CRADD: variants seen among roughly 807,000 people sequenced by gnomAD.
The protein encoded by CRADD is CARD and death domain containing adaptor protein.
CRADD carries 9 observed loss-of-function variants against 15.5 expected under a neutral mutation model. The ratio of observed to expected loss-of-function variants is 0.58; its 90% CI spans 0.35 to 1.01. The LOEUF is 1.01. Among genes scored for constraint, CRADD ranks in the 50% least tolerant of loss-of-function variants. The pLI, the probability that CRADD is intolerant of heterozygous loss-of-function variation, is 0.02. For synonymous variants in CRADD, 118 were observed against 107.6 expected (o/e 1.10, Z -0.60); for missense variants, 227 against 250.3 (o/e 0.91, Z 0.63).
At chr12:93,774,812 T>C (rs1202448306) in intron 2 of CRADD, among the ~76,000 whole-genome samples, 14 of 152,178 alleles carry the variant, frequency 9.2e-5, no homozygotes, top group Non-Finnish European at 1.9e-4. Context: ...ATGAGCAAGA[T>C]GTTCACAGCC....
At chr12:93,822,274 C>T (rs1033859346) in intron 2 of CRADD, among the ~76,000 whole-genome samples, 5 of 152,132 alleles carry the variant, frequency 3.3e-5, no homozygotes, top group African/African-American at 7.2e-5. Context: ...TTGTCATTTG[C>T]CTTGGGGAAC....
intron 2 of CRADD, among the ~76,000 whole-genome samples, chr12:93,804,390 T>A (rs977486993): frequency 6.6e-6 from 1 of 152,170 alleles, no homozygotes; most frequent in African/African-American, 2.4e-5. Flanking sequence ...ATTTTGGAAT[T>A]GTATAACCAG....
chr12:93,814,058 G>A (rs548018817), intron 2 of CRADD, among the ~76,000 whole-genome samples: 1 of 152,302 alleles, frequency 6.6e-6, no homozygotes, highest in Non-Finnish European at 1.5e-5. Flanking sequence ...TCCGAGTCCA[G>A]TGGCCATGAG....
chr12:93,864,640 C>A (rs1222868189), intron 2 of CRADD, among the ~76,000 whole-genome samples: 1 of 152,138 alleles, frequency 6.6e-6, no homozygotes, highest in East Asian at 1.9e-4. Context: ...CTCTGAGGGC[C>A]CACCTGTGTC....
At chr12:93,703,359 C>CTTTTTTT (rs34708379) in intron 2 of CRADD, among the ~76,000 whole-genome samples, 1 of 136,514 alleles carries the variant, frequency 7.3e-6, no homozygotes, top group African/African-American at 2.7e-5. Flanking sequence ...TTTTCTTTTT[C>CTTTTTTT]TTTTTTTTTT....
chr12:93,750,216 G>A (rs1328107635), intron 2 of CRADD, among the ~76,000 whole-genome samples: 1 of 106,018 alleles, frequency 9.4e-6, no homozygotes, highest in African/African-American at 3.9e-5. Context: ...CTTTTTAGTA[G>A]GCGAGTTCTT....
intron 2 of CRADD, among the ~76,000 whole-genome samples, chr12:93,781,044 C>T (rs915904226): frequency 2.0e-5 from 3 of 151,956 alleles, no homozygotes; most frequent in Admixed American, 2.0e-4. Flanking sequence ...GTGTGAGCCA[C>T]CGTGCCCAGC....
intron 2 of CRADD, among the ~76,000 whole-genome samples, chr12:93,892,944 A>G (rs1316438716): frequency 6.6e-6 from 1 of 152,122 alleles, no homozygotes; most frequent in African/African-American, 2.4e-5. Context: ...TCCCAAAGCA[A>G]ATGTGGCCTT....
At chr12:93,679,289 T>G (rs1955232642) in intron 2 of CRADD, among the ~76,000 whole-genome samples, 1 of 152,096 alleles carries the variant, frequency 6.6e-6, no homozygotes, top group Non-Finnish European at 1.5e-5. Context: ...ATACAGGCAT[T>G]TGCCACCATG....
intron 2 of CRADD, among the ~76,000 whole-genome samples, chr12:93,773,839 A>T (rs1273901918): frequency 5.3e-5 from 2 of 37,582 alleles, no homozygotes; most frequent in Non-Finnish European, 9.8e-5. Flanking sequence ...TTTTTTTGAG[A>T]CAGGGTCTTG....
chr12:93,763,732 C>G lies in CRADD; in HGVS notation c.298+84660C>G, dbSNP rs1319699989. The stretch of plus-strand genomic sequence containing the variant: ...CAGAGGCAACATTTTTATTAGTGTG[C>G]ATATGTGTAAGTTTGGCCCCAGGCT... On this transcript the variant is annotated intron_variant, in intron 2 of 2. Transcript: ENST00000332896. 4.6e-5 allele frequency among the ~76,000 whole-genome samples: 7 copies of G among 152,094 alleles called. No homozygotes were observed. The South Asian group carries it at 1.2e-3, about 27-fold the overall frequency.
intron 2 of CRADD, among the ~76,000 whole-genome samples, chr12:93,685,191 A>G (rs1955402945): frequency 6.6e-6 from 1 of 152,150 alleles, no homozygotes; most frequent in Admixed American, 6.5e-5. Flanking sequence ...CCTTCCATTT[A>G]TGGCAAGCAA....
At chr12:93,706,921 T>C (rs1955963636) in intron 2 of CRADD, among the ~76,000 whole-genome samples, 1 of 152,326 alleles carries the variant, frequency 6.6e-6, no homozygotes, top group East Asian at 1.9e-4. Flanking sequence ...GCCAGCAGGG[T>C]GACTTGAGTG....
intron 2 of CRADD, among the ~76,000 whole-genome samples, chr12:93,863,902 A>G (rs1437861352): frequency 1.3e-5 from 2 of 152,180 alleles, no homozygotes; most frequent in African/African-American, 4.8e-5. Context: ...TCCAAACAGC[A>G]GTATACTAGA....
intron 2 of CRADD, among the ~76,000 whole-genome samples, chr12:93,740,649 G>A (rs1187293491): frequency 6.6e-6 from 1 of 152,016 alleles, no homozygotes; most frequent in East Asian, 1.9e-4. Flanking sequence ...AAAAATATAC[G>A]AGTCACACTT....
At chr12:93,713,921 T>C (rs1592917337) in intron 2 of CRADD, among the ~76,000 whole-genome samples, 1 of 152,336 alleles carries the variant, frequency 6.6e-6, no homozygotes. Context: ...GTGACTGGCA[T>C]TCATTAGAAC....
intron 2 of CRADD, among the ~76,000 whole-genome samples, chr12:93,816,658 T>C (rs1274988717): frequency 1.3e-5 from 2 of 152,198 alleles, no homozygotes; most frequent in African/African-American, 4.8e-5. Flanking sequence ...GCCACACATG[T>C]CTAGTGGCTG....
At chr12:93,703,359 CTTTTTTT>C (rs34708379) in intron 2 of CRADD, among the ~76,000 whole-genome samples, 1 of 136,518 alleles carries the variant, frequency 7.3e-6, no homozygotes, top group Non-Finnish European at 1.6e-5. Context: ...TTTTCTTTTT[CTTTTTTT>C]TTTTTTTTTG....
At chr12:93,796,250 T>C (rs1592997700) in intron 2 of CRADD, among the ~76,000 whole-genome samples, 1 of 152,282 alleles carries the variant, frequency 6.6e-6, no homozygotes, top group East Asian at 1.9e-4. Context: ...TAACATTCCT[T>C]TGCATGGTAT....
Sources: allele counts gnomAD v4.1 joint callset (sites outside exome capture counted in the v4.1 genomes callset), GRCh38; gene constraint gnomAD v4.1.1; transcripts MANE v1.5; gene names NCBI Gene and HGNC (gene_info 2026-07-23, HGNC 2026-07-21).